GALNT9: variants seen among roughly 807,000 people sequenced by gnomAD.
GALNT9 encodes the protein polypeptide N-acetylgalactosaminyltransferase 9, also known as GalNAc transferase 9.
Under a neutral mutation model 63.1 loss-of-function variants are expected in GALNT9, and 47 were observed. The observed-to-expected ratio is 0.75, with a 90% CI of 0.59 to 0.95. The LOEUF (loss-of-function observed/expected upper bound fraction) is 0.95, where lower values mean the gene tolerates loss of function less well. Among genes scored for constraint, GALNT9 ranks in the 40% least tolerant of loss-of-function variants. GALNT9 has a pLI of 0.00. For missense variants in GALNT9, 829 were observed against 874.8 expected (o/e 0.95, Z 0.66); for synonymous variants, 396 against 365.7 (o/e 1.08, Z -0.94).
chr12:132,286,536 A>T lies in GALNT9; in HGVS notation c.239-106T>A. 1 of 1,435,682 alleles carries T rather than the reference A, an allele frequency of 7.0e-7. No homozygotes were observed. Among genetic ancestry groups the T allele is most frequent in the Non-Finnish European group, 9.1e-7 (1 of 1,094,114 alleles). 88.9% of individuals were successfully genotyped at this position (1,435,682 alleles called of 1,614,324 possible). ...CTCCCCGACGGCCGCTTCCCCCGGT[A>T]CAAGCCCAGCAAACTCCCTGCAGAT... On this transcript the variant is annotated intron_variant, in intron 1 of 10. Transcript: ENST00000328957. The surrounding 1 kb of genome is among the most constrained non-coding windows in gnomAD (Gnocchi z 7.4).
At chr12:132,292,240 C>T (rs1206920796) in intron 1 of GALNT9, among the ~76,000 whole-genome samples, 1 of 152,218 alleles carries the variant, frequency 6.6e-6, no homozygotes, top group African/African-American at 2.4e-5. Context: ...GGACTTTGTC[C>T]TGCCTTCCTG....
In GALNT9 at chr12:132,219,891, T is replaced by C. The variant is rs11247020; in HGVS notation, c.1078-16201A>G. Reference sequence around the variant, plus strand: ...AAGGGGAAGGGGTACCTCCCCAGGGTGACACCCGCCTGGGTAAGGGGAAGG... The same window carrying C: ...AAGGGGAAGGGGTACCTCCCCAGGGCGACACCCGCCTGGGTAAGGGGAAGG... On this transcript the variant is annotated intron_variant, in intron 6 of 10. Coordinates refer to ENST00000328957, the MANE Select transcript of GALNT9 (RefSeq NM_001122636.2). 7.4e-3 allele frequency among the ~76,000 whole-genome samples: 103 copies of C among 13,920 alleles called. 2 individuals carry two copies. The highest frequency in any genetic ancestry group is 0.05 in the African/African-American group (90 of 1,786). The allele number at this position is 13,920 out of a possible 152,430, so 9.1% of individuals were successfully genotyped here. A position where few individuals can be genotyped will look rare whatever the true frequency, so the allele number is the denominator to read the frequency against.
chr12:132,230,483 C>A (rs1404985562), intron 6 of GALNT9, among the ~76,000 whole-genome samples: 4 of 152,236 alleles, frequency 2.6e-5, no homozygotes, highest in African/African-American at 4.8e-5. Context: ...AGCCCCATAA[C>A]CCACGCGGGC....
chr12:132,240,786 A>G (rs1435535077), intron 6 of GALNT9: 3 of 449,514 alleles, frequency 6.7e-6, no homozygotes, highest in African/African-American at 6.0e-5. Context: ...TATGATCTAT[A>G]CATGTTTACA....
chr12:132,323,017 C>T (rs916465634), intron 1 of GALNT9, among the ~76,000 whole-genome samples: 2 of 152,222 alleles, frequency 1.3e-5, no homozygotes, highest in African/African-American at 2.4e-5. Flanking sequence ...CAGCGCCTCC[C>T]GGCTTCTCCA....
chr12:132,207,168 G>A (rs1188703765), intron 6 of GALNT9, among the ~76,000 whole-genome samples: 1 of 152,136 alleles, frequency 6.6e-6, no homozygotes, highest in East Asian at 1.9e-4. Flanking sequence ...CCCATAGCTG[G>A]GCGTCCGGAC....
chr12:132,218,025 T>C (rs10794464), intron 6 of GALNT9, among the ~76,000 whole-genome samples: 129,903 of 150,562 alleles, frequency 0.86, 56,284 homozygotes, highest in East Asian at 1. Flanking sequence ...ACCATCTATC[T>C]ATCCATCCTC....
At chr12:132,242,047 A>C (rs181538276) in intron 6 of GALNT9, among the ~76,000 whole-genome samples, 2 of 12,476 alleles carry the variant, frequency 1.6e-4, no homozygotes, top group South Asian at 6.3e-3. Flanking sequence ...CCCTCCCTAT[A>C]CCCATTACAC....
At chr12:132,214,731 T>G (rs941946946) in intron 6 of GALNT9, among the ~76,000 whole-genome samples, 2 of 151,986 alleles carry the variant, frequency 1.3e-5, no homozygotes, top group African/African-American at 2.4e-5. Context: ...TTCTCTGGGA[T>G]CCGTGCGTAA....
intron 1 of GALNT9, among the ~76,000 whole-genome samples, chr12:132,321,253 T>C (rs1593125869): frequency 6.7e-6 from 1 of 150,080 alleles, no homozygotes. Flanking sequence ...CGGTCCGGAG[T>C]CGAGGCCCCT....
chr12:132,257,650 C>A, intron 5 of GALNT9, 39 bp downstream of exon 5: 1 of 1,488,314 alleles, frequency 6.7e-7, no homozygotes, highest in Non-Finnish European at 9.1e-7. Flanking sequence ...CGCTCCTTGC[C>A]GGGCAGGGCC....
intron 2 of GALNT9, among the ~76,000 whole-genome samples, chr12:132,270,846 A>T (rs1005793635): frequency 2.0e-5 from 3 of 152,002 alleles, no homozygotes; most frequent in Non-Finnish European, 2.9e-5. Flanking sequence ...TAAGAGGCAG[A>T]TGACGGTCAG....
intron 6 of GALNT9, among the ~76,000 whole-genome samples, chr12:132,204,264 T>C (rs1472371110): frequency 3.3e-5 from 5 of 151,632 alleles, no homozygotes; most frequent in Non-Finnish European, 7.3e-5. Flanking sequence ...CTTCCTTCCG[T>C]GTCGTTCCAC....
intron 1 of GALNT9, among the ~76,000 whole-genome samples, chr12:132,314,566 C>A (rs782042933): frequency 1.3e-4 from 20 of 152,212 alleles, no homozygotes; most frequent in Non-Finnish European, 2.2e-4. Context: ...TCCCAATGTG[C>A]AGCTCAAAGA....
rs376574858 is a variant in GALNT9, at chr12:132,286,136, T to G, written c.419+114A>C. The G allele has an allele frequency of 9.7e-5, 110 of 1,137,330 alleles. No individual in the cohort carries two copies. The East Asian group carries it at 1.7e-3, about 17-fold the overall frequency. 70.5% of individuals were successfully genotyped at this position (1,137,330 alleles called of 1,614,324 possible). On this transcript the variant is annotated intron_variant, in intron 2 of 10. Transcript: ENST00000328957. The surrounding 1 kb of genome is among the most constrained non-coding windows in gnomAD (Gnocchi z 7.4). ...GGGGCGGTCACTTCCCTGGCGGGCG[T>G]GGGGGCCGCTCACTTCCCCGGCCGG...
intron 5 of GALNT9, among the ~76,000 whole-genome samples, chr12:132,254,495 G>T (rs1370050561): frequency 6.6e-6 from 1 of 152,130 alleles, no homozygotes; most frequent in Non-Finnish European, 1.5e-5. Flanking sequence ...CAGGGCTCAT[G>T]TCTCTGACTC....
At chr12:132,284,140 CCCACGCACAT>C (rs1427917281) in intron 2 of GALNT9, 2 of 151,938 alleles carry the variant, frequency 1.3e-5, no homozygotes, top group African/African-American at 2.4e-5. Context: ...TGCACGCACA[CCCACGCACAT>C]GCACGCACAC....
At chr12:132,323,944 T>G (rs749777803) in intron 1 of GALNT9, among the ~76,000 whole-genome samples, 5 of 151,982 alleles carry the variant, frequency 3.3e-5, no homozygotes, top group Non-Finnish European at 7.4e-5. Flanking sequence ...CCACGGCCAC[T>G]CCGGCTGTTT....
intron 1 of GALNT9, among the ~76,000 whole-genome samples, chr12:132,300,935 A>G (rs1170192802): frequency 3.3e-5 from 5 of 152,266 alleles, no homozygotes; most frequent in Non-Finnish European, 7.3e-5. Context: ...ACCTCTCTCA[A>G]TGCCATGGTG....
Sources: gnomAD v4.1 joint callset for allele counts (sites outside exome capture counted in the v4.1 genomes callset) on GRCh38, gnomAD v4.1.1 for gene constraint, Gnocchi (gnomAD v3.1) non-coding constraint, MANE v1.5 for transcripts, NCBI Gene and HGNC (gene_info 2026-07-23, HGNC 2026-07-21) for gene names.